FAM169A: variants seen among roughly 807,000 people sequenced by gnomAD.
FAM169A encodes the protein soluble lamin-associated protein of 75 kDa.
FAM169A carries 24 observed loss-of-function variants against 75.7 expected under a neutral mutation model. That is an observed-to-expected ratio of 0.32 (90% CI 0.23 to 0.45). FAM169A has a LOEUF of 0.45. Among genes scored for constraint, FAM169A ranks in the 20% least tolerant of loss-of-function variants. The probability of loss-of-function intolerance (pLI) is 1.00; values close to 1 mark genes in which losing one functional copy is unlikely to be tolerated. For missense variants in FAM169A, 673 were observed against 784.0 expected (o/e 0.86, Z 1.69); for synonymous variants, 271 against 271.0 (o/e 1.00, Z 0.00).
At chr5:74,802,856 G>A (rs1367564686) in intron 8 of FAM169A, among the ~76,000 whole-genome samples, 1 of 151,764 alleles carries the variant, frequency 6.6e-6, no homozygotes, top group African/African-American at 2.4e-5. Context: ...AGTCCAACAA[G>A]AAAAGGTTAA....
In FAM169A at chr5:74,804,518, T is replaced by A. The variant is rs758175782; in HGVS notation, c.887A>T (p.Asn296Ile). 1.9e-5 allele frequency: 31 copies of A among 1,600,730 alleles called. No individual in the cohort carries two copies. The highest frequency in any genetic ancestry group is 2.6e-5 in the Non-Finnish European group (30 of 1,168,760). ...AGTTAGCTGCATCTCACTAGACTGA[T>A]TGTCTTCAGTTCTTGCTTCGTATTC... ...VPEYEARTEDNQSSEMQLTID... is the reference protein window; with the variant it reads ...VPEYEARTEDIQSSEMQLTID... Residue 296 changes from asparagine to isoleucine, a missense_variant, in exon 8 of 13, where the codon AAT becomes ATT. Around this residue, in one of 3 missense-constraint regions of FAM169A, gnomAD observed 510 missense variants for 550.9 expected, o/e 0.93. Transcript: ENST00000687041.
At chr5:74,818,203 C>A (rs967598080) in intron 5 of FAM169A, among the ~76,000 whole-genome samples, 1 of 151,994 alleles carries the variant, frequency 6.6e-6, no homozygotes, top group African/African-American at 2.4e-5. Flanking sequence ...AGAACATCAT[C>A]GAGAAAGTAA....
intron 11 of FAM169A, among the ~76,000 whole-genome samples, chr5:74,787,855 G>A (rs1745773568): frequency 1.3e-5 from 2 of 151,688 alleles, no homozygotes; most frequent in South Asian, 4.1e-4. Context: ...CTTCCAGGTC[G>A]AGTGGACAAA....
At position 74,831,869 on chromosome 5, in the gene FAM169A, A is replaced by T. The variant is rs966217533; in HGVS notation, c.490+2557T>A. ...TAAAAACATTATGAGACACGGACAG[A>T]TCTCAAGAATTAACCATGACTTGAA... On this transcript the variant is annotated intron_variant, in intron 5 of 12. Coordinates refer to ENST00000687041, the MANE Select transcript of FAM169A (RefSeq NM_001376049.1). Among the ~76,000 whole-genome samples the T allele has an allele frequency of 5.9e-5, 9 of 152,274 alleles. No homozygotes were observed. In the South Asian group the frequency reaches 1.2e-3, roughly 21 times the overall value.
At chr5:74,789,164 C>T (rs2084116) in intron 11 of FAM169A, among the ~76,000 whole-genome samples, 35,241 of 152,088 alleles carry the variant, frequency 0.23, 4,313 homozygotes, top group Middle Eastern at 0.3. Context: ...TTTTCACTTC[C>T]ACAAGTTATC....
intron 11 of FAM169A, 83 bp downstream of exon 11, chr5:74,795,947 C>T: frequency 1.4e-6 from 2 of 1,404,556 alleles, no homozygotes; most frequent in Non-Finnish European, 2.0e-6. Context: ...AAATATATCG[C>T]TATACTTTTC....
chr5:74,866,892 C>T (rs900611082), upstream of FAM169A: 54 of 985,424 alleles, frequency 5.5e-5, no homozygotes, highest in Non-Finnish European at 6.1e-5. Context: ...CCGGCCTCCG[C>T]CCCACCACTT....
At chr5:74,787,110 G>C (rs1745734761) in intron 11 of FAM169A, among the ~76,000 whole-genome samples, 2 of 152,178 alleles carry the variant, frequency 1.3e-5, no homozygotes, top group Non-Finnish European at 2.9e-5. Flanking sequence ...TGCTACACTT[G>C]AAAAGAACTG....
chr5:74,799,746 G>T lies in FAM169A; in HGVS notation c.1103+1134C>A. On this transcript the variant is annotated intron_variant, in intron 10 of 12. Transcript: ENST00000687041. ...GACGGAGTTCCAGCTGCTCCTGAGT[G>T]TGTCATCTGTCTCAGACAACAGCGC... The T allele has an allele frequency of 6.1e-6, 7 of 1,140,228 alleles. No individual in the cohort carries two copies. The South Asian group carries it at 8.6e-5, about 14-fold the overall frequency. 70.6% of individuals were successfully genotyped at this position (1,140,228 alleles called of 1,614,324 possible).
intron 9 of FAM169A, 61 bp from the exon 10 acceptor site, chr5:74,801,091 A>G (rs997510732): frequency 7.7e-7 from 1 of 1,301,716 alleles, no homozygotes; most frequent in Admixed American, 2.6e-5. Context: ...ACTACCTATT[A>G]AAATACACAG....
intron 1 of FAM169A, among the ~76,000 whole-genome samples, chr5:74,842,512 AT>A (rs1314571063): frequency 1.5e-5 from 2 of 133,160 alleles, no homozygotes; most frequent in African/African-American, 5.4e-5. Flanking sequence ...ATAAATTATA[AT>A]TCTCATATAT....
intron 8 of FAM169A, among the ~76,000 whole-genome samples, chr5:74,803,732 C>T (rs997175486): frequency 2.6e-5 from 4 of 152,104 alleles, no homozygotes; most frequent in African/African-American, 7.2e-5. Context: ...AGTTTGGTAA[C>T]GGGACCTGTC....
chr5:74,848,192 G>C (rs1749256495), intron 1 of FAM169A, among the ~76,000 whole-genome samples: 1 of 152,090 alleles, frequency 6.6e-6, no homozygotes, highest in African/African-American at 2.4e-5. Flanking sequence ...GAAGATGAAA[G>C]AATTAGAAAT....
At chr5:74,844,221 C>G (rs1357151916) in intron 1 of FAM169A, among the ~76,000 whole-genome samples, 1 of 151,944 alleles carries the variant, frequency 6.6e-6, no homozygotes, top group Non-Finnish European at 1.5e-5. Flanking sequence ...CTTTGGGAGG[C>G]CAAGGAGGGT....
At chr5:74,798,297 C>T (rs1746383869) in intron 10 of FAM169A, among the ~76,000 whole-genome samples, 1 of 152,178 alleles carries the variant, frequency 6.6e-6, no homozygotes, top group Non-Finnish European at 1.5e-5. Flanking sequence ...AGCAAACAGT[C>T]AAGCATAAAC....
chr5:74,837,819 A>C (rs2112661945), intron 4 of FAM169A, among the ~76,000 whole-genome samples: 1 of 152,202 alleles, frequency 6.6e-6, no homozygotes, highest in African/African-American at 2.4e-5. Flanking sequence ...TATTTCTGTT[A>C]AATTCATTCT....
At chr5:74,857,572 G>GAAAAAAAAA (rs35476827) in intron 1 of FAM169A, among the ~76,000 whole-genome samples, 1 of 56,290 alleles carries the variant, frequency 1.8e-5, no homozygotes, top group Non-Finnish European at 3.8e-5. Flanking sequence ...CTTGCCGCGG[G>GAAAAAAAAA]AAAAAAAAAA....
Position 74,789,965 on chromosome 5 carries a change from A to C in FAM169A, c.1260+6065T>G, listed in dbSNP as rs557676776. ...CACCATGTGACCTGAACTGCCTATC[A>C]TGAACTGGGTGCTTTCTGACCCATC... On this transcript the variant is annotated intron_variant, in intron 11 of 12. Transcript: ENST00000687041. Among the ~76,000 whole-genome samples, 3 of 152,354 alleles carry C rather than the reference A, an allele frequency of 2.0e-5. No individual in the cohort carries two copies. The East Asian group carries it at 5.8e-4, about 29-fold the overall frequency.
At chr5:74,818,793 C>CTA (rs1274131514) in intron 5 of FAM169A, among the ~76,000 whole-genome samples, 5 of 139,568 alleles carry the variant, frequency 3.6e-5, no homozygotes, top group Non-Finnish European at 7.7e-5. Context: ...CTCTCTCTCT[C>CTA]TCTCTCTCTC....
Sources: gnomAD v4.1 joint callset for allele counts (sites outside exome capture counted in the v4.1 genomes callset) on GRCh38, gnomAD v4.1.1 for gene constraint, gnomAD v4.1.1 regional missense constraint, MANE v1.5 for transcripts, NCBI Gene and HGNC (gene_info 2026-07-23, HGNC 2026-07-21) for gene names.